Variants in TRIM26 observed in about 807,000 individuals in gnomAD.
TRIM26 encodes the protein tripartite motif containing 26.
In TRIM26, 16 loss-of-function variants were observed where a neutral mutation model predicts 45.5. The ratio of observed to expected loss-of-function variants is 0.35; its 90% CI spans 0.24 to 0.53. TRIM26 has a LOEUF of 0.53. Among genes scored for constraint, TRIM26 ranks in the 20% least tolerant of loss-of-function variants. The probability of loss-of-function intolerance (pLI) is 0.92; values close to 1 mark genes in which losing one functional copy is unlikely to be tolerated. For synonymous variants in TRIM26, 273 were observed against 290.4 expected (o/e 0.94, Z 0.61); for missense variants, 442 against 691.1 (o/e 0.64, Z 4.04).
intron 6 of TRIM26, among the ~76,000 whole-genome samples, chr6:30,195,344 A>T (rs1331005698): frequency 6.6e-6 from 1 of 152,186 alleles, no homozygotes; most frequent in Non-Finnish European, 1.5e-5. Context: ...AGAGAACAGA[A>T]TGACATCTGG....
intron 1 of TRIM26, among the ~76,000 whole-genome samples, chr6:30,211,696 T>C (rs1778304579): frequency 6.6e-6 from 1 of 152,146 alleles, no homozygotes; most frequent in South Asian, 2.1e-4. Flanking sequence ...AAAAATACTA[T>C]GAAAGAGCAC....
chr6:30,198,848 C>T lies in TRIM26; in HGVS notation c.256G>A (p.Gly86Ser). The change falls in exon 4 of 10, where the codon GGC (glycine) becomes AGC (serine). Residue 86 changes from glycine (G) to serine (S), a missense_variant. Coordinates refer to ENST00000454678, the MANE Select transcript of TRIM26 (RefSeq NM_003449.5). This position sits in a 1 kb window ranked among gnomAD's most constrained non-coding sequence, Gnocchi z 6.3. ...ENIERLKVDK[G>S]RQPGEVTREQ... is the part of the protein sequence containing the mutation. ...CGGGTCACCTCTCCCGGCTGCCTGCCCTTGTCCACCTTCAGCCGCTCAATG... is the reference window on the plus strand; with the variant it reads ...CGGGTCACCTCTCCCGGCTGCCTGCTCTTGTCCACCTTCAGCCGCTCAATG... 2.5e-6 allele frequency: 4 copies of T among 1,612,918 alleles called. No individual in the cohort carries two copies. Among genetic ancestry groups the T allele is most frequent in the Non-Finnish European group, 3.4e-6 (4 of 1,179,992 alleles).
chr6:30,202,498 C>G (rs1241141994), intron 2 of TRIM26, among the ~76,000 whole-genome samples: 1 of 152,202 alleles, frequency 6.6e-6, no homozygotes, highest in Non-Finnish European at 1.5e-5. Flanking sequence ...TCCTGACATA[C>G]CTTCATAAGG....
chr6:30,212,303 C>T (rs1329964068), intron 1 of TRIM26, among the ~76,000 whole-genome samples: 1 of 152,192 alleles, frequency 6.6e-6, no homozygotes, highest in Non-Finnish European at 1.5e-5. Flanking sequence ...GACATGACAA[C>T]TAAATGTAAT....
intron 6 of TRIM26, among the ~76,000 whole-genome samples, chr6:30,195,512 A>AGGGG (rs925187458): frequency 6.6e-5 from 10 of 152,148 alleles, no homozygotes; most frequent in African/African-American, 2.4e-4. Context: ...CTTCATCAGT[A>AGGGG]GGGGCTGAAC....
rs996114882 is a variant in TRIM26 at position 30,203,544 on chromosome 6, T to C, written c.-266+1112A>G. Among the ~76,000 whole-genome samples the C allele has an allele frequency of 2.0e-5, 3 of 152,210 alleles. 1 individual carries two copies. The highest frequency in any genetic ancestry group is 6.5e-5 in the Admixed American group (1 of 15,286). On this transcript the variant is annotated intron_variant, in intron 2 of 9. Transcript: ENST00000454678. ...GATTCTCCTGCCTCAGCCTCCCTAG[T>C]AGCTGGGATTACAGGTGCCCACCAC... is the stretch of plus-strand genomic sequence containing the variant.
chr6:30,197,293 C>T (rs1471130544), intron 5 of TRIM26, among the ~76,000 whole-genome samples: 1 of 152,166 alleles, frequency 6.6e-6, no homozygotes, highest in East Asian at 1.9e-4. Context: ...TCCAAATCTC[C>T]TCCCCAGCTG....
Position 30,207,943 on chromosome 6 carries a change from GCCCCAAAACA to G in TRIM26, c.-375-3188_-375-3179del, listed in dbSNP as rs1777883932. Among the ~76,000 whole-genome samples the G allele has an allele frequency of 1.3e-5, 2 of 152,214 alleles. No individual in the cohort carries two copies. Among genetic ancestry groups the G allele is most frequent in the South Asian group, 4.1e-4 (2 of 4,822 alleles). ...GGTCCACATGTAGTCTAGTTATACA[GCCCCAAAACA>G]CCCCATGCTGCACCCTGTACTTCTC... On this transcript the variant is annotated intron_variant, in intron 1 of 9. Coordinates refer to ENST00000454678, the MANE Select transcript of TRIM26 (RefSeq NM_003449.5). This position sits in a 1 kb window ranked among gnomAD's most constrained non-coding sequence, Gnocchi z 4.9.
chr6:30,199,540 G>A (rs1044384193), intron 3 of TRIM26, among the ~76,000 whole-genome samples: 10 of 152,008 alleles, frequency 6.6e-5, no homozygotes, highest in East Asian at 3.9e-4. Flanking sequence ...AATGTCTACT[G>A]TGGACACAGT....
At chr6:30,193,183 T>TATATATA (rs1554201635) in intron 6 of TRIM26, among the ~76,000 whole-genome samples, 123 of 40,770 alleles carry the variant, frequency 3.0e-3, no homozygotes, top group South Asian at 4.7e-3. Context: ...TATATATATA[T>TATATATA]TTTTTTTTTT....
At chr6:30,193,183 T>TATATATATATA (rs1554201635) in intron 6 of TRIM26, among the ~76,000 whole-genome samples, 5 of 41,160 alleles carry the variant, frequency 1.2e-4, no homozygotes, top group African/African-American at 3.6e-4. Context: ...TATATATATA[T>TATATATATATA]TTTTTTTTTT....
At position 30,186,620 on chromosome 6, in the gene TRIM26, G is replaced by A; in HGVS notation, c.938-62C>T. On this transcript the variant is annotated intron_variant, in intron 9 of 9. Coordinates refer to ENST00000454678, the MANE Select transcript of TRIM26 (RefSeq NM_003449.5). This position sits in a 1 kb window ranked among gnomAD's most constrained non-coding sequence, Gnocchi z 7.4. The stretch of plus-strand genomic sequence containing the variant: ...CTGTTTTGTTTTGTTTTTTAAGTCA[G>A]AGGGAATAAAATTTATTTTGGCAGA... 3 of 1,473,986 alleles carry A rather than the reference G, an allele frequency of 2.0e-6. No individual in the cohort carries two copies. The highest frequency in any genetic ancestry group is 2.7e-6 in the Non-Finnish European group (3 of 1,116,366). The allele number at this position is 1,473,986 out of a possible 1,614,324, so 91.3% of individuals were successfully genotyped here. A position where few individuals can be genotyped will look rare whatever the true frequency, so the allele number is the denominator to read the frequency against.
At chr6:30,187,453 G>C in intron 9 of TRIM26, 1 of 512,406 alleles carries the variant, frequency 2.0e-6, no homozygotes, top group Non-Finnish European at 4.0e-6. Context: ...AGCTCTCCCA[G>C]AAAGGGTACA....
At position 30,185,012 on chromosome 6, in the gene TRIM26, C is replaced by T. The variant is rs1042338; in HGVS notation, c.*864G>A. 29,499 of 152,218 alleles carry T rather than the reference C, an allele frequency of 0.19. 3,443 individuals carry two copies. The highest frequency in any genetic ancestry group is 0.25 in the Non-Finnish European group (16,829 of 67,952). The allele number at this position is 152,218 out of a possible 1,614,324, so 9.4% of individuals were successfully genotyped here. A position where few individuals can be genotyped will look rare whatever the true frequency, so the allele number is the denominator to read the frequency against. Reference sequence around the variant, plus strand: ...AGGCTTAACACCCTGCTGGGGAACCCGGTCAGAACTCCCGAGGCAGGAGAG... The same window carrying T: ...AGGCTTAACACCCTGCTGGGGAACCTGGTCAGAACTCCCGAGGCAGGAGAG... On this transcript the variant is annotated 3_prime_UTR_variant, in exon 10 of 10. Transcript: ENST00000454678. This position sits in a 1 kb window ranked among gnomAD's most constrained non-coding sequence, Gnocchi z 5.7.
chr6:30,185,667 T>G lies in TRIM26; in HGVS notation c.*209A>C, dbSNP rs1775079324. The G allele has an allele frequency of 1.2e-5, 7 of 575,044 alleles. No homozygotes were observed. Among genetic ancestry groups the G allele is most frequent in the Admixed American group, 3.4e-5 (1 of 29,192 alleles). 35.6% of individuals were successfully genotyped at this position (575,044 alleles called of 1,614,324 possible). A position where few individuals can be genotyped will look rare whatever the true frequency, so the allele number is the denominator to read the frequency against. On this transcript the variant is annotated 3_prime_UTR_variant, in exon 10 of 10. Transcript: ENST00000454678. This position sits in a 1 kb window ranked among gnomAD's most constrained non-coding sequence, Gnocchi z 5.7. The stretch of plus-strand genomic sequence containing the variant: ...GTTCCCTCGGGAAACCAGCAGGAGG[T>G]GGGAAAAGAGCCCCATTAGGGCAGT...
chr6:30,189,629 G>A lies in TRIM26; in HGVS notation c.789-96C>T. On this transcript the variant is annotated intron_variant, in intron 7 of 9. Coordinates refer to ENST00000454678, the MANE Select transcript of TRIM26 (RefSeq NM_003449.5). This position sits in a 1 kb window ranked among gnomAD's most constrained non-coding sequence, Gnocchi z 5.0. The stretch of plus-strand genomic sequence containing the variant: ...CCTCATGGCAATTATGAAGGGGAGA[G>A]GAAAGGTATGATTATCCCCAAACAA... 2 of 1,070,398 alleles carry A rather than the reference G, an allele frequency of 1.9e-6. No homozygotes were observed. Among genetic ancestry groups the A allele is most frequent in the Non-Finnish European group, 2.8e-6 (2 of 710,516 alleles). 66.3% of individuals were successfully genotyped at this position (1,070,398 alleles called of 1,614,324 possible).
chr6:30,189,131 T>C lies in TRIM26; in HGVS notation c.937+36A>G, dbSNP rs900522969. The C allele has an allele frequency of 9.4e-6, 15 of 1,599,982 alleles. No individual in the cohort carries two copies. In the African/African-American group the frequency reaches 2.0e-4, roughly 22 times the overall value. On this transcript the variant is annotated intron_variant, in intron 9 of 9. Coordinates refer to ENST00000454678, the MANE Select transcript of TRIM26 (RefSeq NM_003449.5). This position sits in a 1 kb window ranked among gnomAD's most constrained non-coding sequence, Gnocchi z 5.0. Reference sequence around the variant, plus strand: ...CTCTGCAGGCGGAGTTTTCTATATTTGATGTACATCTGGGAAACACCCTCT... The same window carrying C: ...CTCTGCAGGCGGAGTTTTCTATATTCGATGTACATCTGGGAAACACCCTCT...
In TRIM26 at chr6:30,189,353, G is replaced by A. The variant is rs2127485939; in HGVS notation, c.904+65C>T. 1 of 1,575,314 alleles carries A rather than the reference G, an allele frequency of 6.3e-7. No individual in the cohort carries two copies. The highest frequency in any genetic ancestry group is 8.7e-7 in the Non-Finnish European group (1 of 1,145,878). On this transcript the variant is annotated intron_variant, in intron 8 of 9. Transcript: ENST00000454678. The surrounding 1 kb of genome is among the most constrained non-coding windows in gnomAD (Gnocchi z 5.0). ...CGACAAGGTGATGGAAAGGAGCTGG[G>A]TGCGCTCTTTCTACGAGGTAGCCCT...
In TRIM26 at chr6:30,187,073, T is replaced by C. The variant is rs968399528; in HGVS notation, c.938-515A>G. ...ACTATAAAATGTTGGTTCATTCACA[T>C]AGTAATTGGGATCTTTTTTGGCTGT... On this transcript the variant is annotated intron_variant, in intron 9 of 9. Transcript: ENST00000454678. The C allele has an allele frequency of 6.3e-5, 19 of 299,910 alleles. No homozygotes were observed. The Admixed American group carries it at 8.4e-4, about 13-fold the overall frequency. 18.6% of individuals were successfully genotyped at this position (299,910 alleles called of 1,614,324 possible).
Sources: gnomAD v4.1 joint callset for allele counts (sites outside exome capture counted in the v4.1 genomes callset) on GRCh38, gnomAD v4.1.1 for gene constraint, Gnocchi (gnomAD v3.1) non-coding constraint, MANE v1.5 for transcripts, NCBI Gene and HGNC (gene_info 2026-07-23, HGNC 2026-07-21) for gene names.